The following ASTN2 variants were observed in gnomAD, a reference collection of about 807,000 sequenced individuals.
The protein encoded by ASTN2 is astrotactin-2.
In ASTN2, 54 loss-of-function variants were observed where a neutral mutation model predicts 139.8. That is an observed-to-expected ratio of 0.39 (90% CI 0.31 to 0.48). ASTN2 has a LOEUF of 0.48. ASTN2 is among the 20% of genes least tolerant of loss of function. ASTN2 has a pLI of 0.95. For missense variants in ASTN2, 1,565 were observed against 1,725.1 expected (o/e 0.91, Z 1.64); for synonymous variants, 756 against 719.5 (o/e 1.05, Z -0.81).
intron 2 of ASTN2, among the ~76,000 whole-genome samples, chr9:117,272,078 C>A (rs752897431): frequency 6.6e-6 from 1 of 152,216 alleles, no homozygotes; most frequent in Non-Finnish European, 1.5e-5. Context: ...TCCATGAGGG[C>A]CCTGCCCCTG....
intron 3 of ASTN2, among the ~76,000 whole-genome samples, chr9:117,172,477 T>C (rs1830817659): frequency 6.6e-6 from 1 of 152,196 alleles, no homozygotes; most frequent in Admixed American, 6.5e-5. Context: ...GCACTGCATA[T>C]ACTTTATTGA....
chr9:117,211,273 C>T (rs1299727096), intron 3 of ASTN2, among the ~76,000 whole-genome samples: 1 of 152,146 alleles, frequency 6.6e-6, no homozygotes, highest in Admixed American at 6.5e-5. Flanking sequence ...AAAGAGTCTA[C>T]CTAAACGTCT....
chr9:117,015,215 T>A (rs547316330), intron 6 of ASTN2, among the ~76,000 whole-genome samples: 1 of 152,158 alleles, frequency 6.6e-6, no homozygotes, highest in Non-Finnish European at 1.5e-5. Flanking sequence ...GACAGGATTT[T>A]GACATGTTGC....
intron 19 of ASTN2, among the ~76,000 whole-genome samples, chr9:116,591,821 G>C (rs1474394861): frequency 6.6e-6 from 1 of 152,166 alleles, no homozygotes; most frequent in Non-Finnish European, 1.5e-5. Context: ...TGGTTATATG[G>C]CTGTGTTCAC....
At chr9:117,014,444 G>C (rs112773856) in intron 6 of ASTN2, among the ~76,000 whole-genome samples, 3,670 of 152,156 alleles carry the variant, frequency 0.024, 128 homozygotes, top group African/African-American at 0.082. Context: ...TATCGTGGGG[G>C]TGGTTCTCCT....
intron 4 of ASTN2, among the ~76,000 whole-genome samples, chr9:117,140,443 A>G (rs1830046453): frequency 6.6e-6 from 1 of 152,104 alleles, no homozygotes; most frequent in Non-Finnish European, 1.5e-5. Flanking sequence ...GCTAGAGACT[A>G]CTGAGTAGAT....
At chr9:117,241,293 C>T (rs188944113) in intron 2 of ASTN2, among the ~76,000 whole-genome samples, 332 of 152,258 alleles carry the variant, frequency 2.2e-3, no homozygotes, top group African/African-American at 7.8e-3. Flanking sequence ...TCCTGAAAAC[C>T]AGGAGTACCT....
At chr9:116,448,332 G>A (rs1377932846) in intron 20 of ASTN2, among the ~76,000 whole-genome samples, 1 of 148,408 alleles carries the variant, frequency 6.7e-6, no homozygotes, top group Non-Finnish European at 1.5e-5. Context: ...TGGCAGACAG[G>A]GGCAGTAGGA....
intron 18 of ASTN2, among the ~76,000 whole-genome samples, chr9:116,620,086 C>A (rs1856057181): frequency 6.6e-6 from 1 of 152,064 alleles, no homozygotes; most frequent in African/African-American, 2.4e-5. Context: ...TGAGTGGCAT[C>A]ATTTAAAACA....
intron 16 of ASTN2, among the ~76,000 whole-genome samples, chr9:116,677,458 A>T (rs1275746175): frequency 6.6e-6 from 1 of 152,184 alleles, no homozygotes; most frequent in Non-Finnish European, 1.5e-5. Context: ...TGGCATTATG[A>T]GAGAGCTTTG....
At chr9:116,797,023 A>G (rs1013986333) in intron 13 of ASTN2, among the ~76,000 whole-genome samples, 1 of 151,264 alleles carries the variant, frequency 6.6e-6, no homozygotes, top group Non-Finnish European at 1.5e-5. Flanking sequence ...ATATCACTAT[A>G]ATCCTCAGAC....
intron 22 of ASTN2, among the ~76,000 whole-genome samples, chr9:116,438,498 C>T (rs1847727906): frequency 6.6e-6 from 1 of 152,142 alleles, no homozygotes. Context: ...ACAGTGTTTA[C>T]CAAAGTGTAG....
chr9:117,238,491 A>T (rs1186127556), intron 2 of ASTN2, among the ~76,000 whole-genome samples: 2 of 152,206 alleles, frequency 1.3e-5, no homozygotes, highest in Admixed American at 1.3e-4. Flanking sequence ...TGAACCTGTT[A>T]TGAATGTGTA....
chr9:116,959,674 C>T (rs1350940710), intron 10 of ASTN2, among the ~76,000 whole-genome samples: 3 of 152,072 alleles, frequency 2.0e-5, no homozygotes, highest in Admixed American at 6.5e-5. Flanking sequence ...GACAGCCAGG[C>T]AGATCCATTG....
chr9:116,862,824 A>G (rs1231344526), intron 11 of ASTN2, among the ~76,000 whole-genome samples: 1 of 77,788 alleles, frequency 1.3e-5, no homozygotes, highest in Admixed American at 1.5e-4. Context: ...ACACACACAC[A>G]CACACACACA....
chr9:117,183,742 C>T (rs1831130748), intron 3 of ASTN2, among the ~76,000 whole-genome samples: 1 of 152,188 alleles, frequency 6.6e-6, no homozygotes, highest in African/African-American at 2.4e-5. Context: ...AAGACTTTGT[C>T]TTCCACAAAG....
chr9:116,602,217 G>A (rs183806959), intron 19 of ASTN2, among the ~76,000 whole-genome samples: 1 of 152,280 alleles, frequency 6.6e-6, no homozygotes, highest in East Asian at 1.9e-4. Flanking sequence ...AGGGGAGTAA[G>A]CTGAGGAATG....
At chr9:116,550,210 C>T (rs62574407) in intron 19 of ASTN2, among the ~76,000 whole-genome samples, 24,174 of 152,202 alleles carry the variant, frequency 0.16, 2,090 homozygotes, top group African/African-American at 0.21. Context: ...ACCAGATTTA[C>T]ATCCATATAA....
intron 11 of ASTN2, among the ~76,000 whole-genome samples, chr9:116,840,512 C>G (rs1215152523): frequency 1.7e-5 from 2 of 119,934 alleles, no homozygotes; most frequent in Non-Finnish European, 3.4e-5. Context: ...GGGGCTGACC[C>G]CCCCCACCTC....
Sources: gnomAD v4.1 joint callset for allele counts (sites outside exome capture counted in the v4.1 genomes callset) on GRCh38, gnomAD v4.1.1 for gene constraint, MANE v1.5 for transcripts, NCBI Gene and HGNC (gene_info 2026-07-23, HGNC 2026-07-21) for gene names.